SYT14: variants seen among roughly 807,000 people sequenced by gnomAD.
SYT14 encodes the protein synaptotagmin 14.
A neutral mutation model predicts 74.2 loss-of-function variants in SYT14; 32 were observed. The ratio of observed to expected loss-of-function variants is 0.43; its 90% CI spans 0.33 to 0.58. The LOEUF (loss-of-function observed/expected upper bound fraction) is 0.58, where lower values mean the gene tolerates loss of function less well. Ranked by LOEUF, SYT14 falls within the 20% of genes least tolerant of loss-of-function variation. The probability of loss-of-function intolerance (pLI) is 0.05; values close to 1 mark genes in which losing one functional copy is unlikely to be tolerated. For synonymous variants in SYT14, 298 were observed against 337.7 expected (o/e 0.88, Z 1.29); for missense variants, 791 against 981.8 (o/e 0.81, Z 2.60).
At chr1:210,054,447 C>CT (rs2081058724) in intron 5 of SYT14, among the ~76,000 whole-genome samples, 1 of 152,130 alleles carries the variant, frequency 6.6e-6, no homozygotes, top group Non-Finnish European at 1.5e-5. Context: ...CTTTTCATCA[C>CT]TAAGGATATT....
At chr1:210,010,870 T>A (rs2080074274) in intron 2 of SYT14, among the ~76,000 whole-genome samples, 1 of 152,220 alleles carries the variant, frequency 6.6e-6, no homozygotes, top group Non-Finnish European at 1.5e-5. Flanking sequence ...TATCTCTTTG[T>A]CTCAATTTAC....
At chr1:210,049,779 C>T (rs1479309600) in intron 5 of SYT14, among the ~76,000 whole-genome samples, 2 of 152,208 alleles carry the variant, frequency 1.3e-5, no homozygotes, top group African/African-American at 4.8e-5. Context: ...GTGGCTTGCA[C>T]CCTCTGAAGC....
chr1:210,043,698 TAG>T (rs2080836031), intron 5 of SYT14, among the ~76,000 whole-genome samples: 1 of 152,112 alleles, frequency 6.6e-6, no homozygotes, highest in Non-Finnish European at 1.5e-5. Flanking sequence ...AAGAGTAGGG[TAG>T]GCATAAGGAT....
chr1:209,942,060 G>A (rs1470235512), intron 1 of SYT14, among the ~76,000 whole-genome samples: 1 of 152,128 alleles, frequency 6.6e-6, no homozygotes, highest in Non-Finnish European at 1.5e-5. Context: ...CGTTTTCCAT[G>A]CACGGTTAGT....
chr1:210,065,696 G>A (rs188630561), intron 5 of SYT14, among the ~76,000 whole-genome samples: 277 of 151,748 alleles, frequency 1.8e-3, no homozygotes, highest in African/African-American at 6.2e-3. Context: ...TCAATGAAAT[G>A]TATGTAAATA....
chr1:210,095,491 C>G (rs1021910578), intron 6 of SYT14, among the ~76,000 whole-genome samples: 1 of 152,152 alleles, frequency 6.6e-6, no homozygotes, highest in Non-Finnish European at 1.5e-5. Context: ...TGGGCTCAAG[C>G]AATCTTCCTG....
chr1:210,025,990 T>C (rs1156377420), intron 5 of SYT14, among the ~76,000 whole-genome samples: 1 of 152,182 alleles, frequency 6.6e-6, no homozygotes, highest in African/African-American at 2.4e-5. Context: ...GAGCAGGTTA[T>C]ATGTTATAAA....
At chr1:210,066,074 G>A (rs992157333) in intron 5 of SYT14, among the ~76,000 whole-genome samples, 1 of 151,270 alleles carries the variant, frequency 6.6e-6, no homozygotes, top group Admixed American at 6.6e-5. Flanking sequence ...TTTTATGGCT[G>A]CATAGTATTC....
chr1:210,140,933 A>T (rs1016012221), intron 7 of SYT14, among the ~76,000 whole-genome samples: 3 of 151,798 alleles, frequency 2.0e-5, no homozygotes. Flanking sequence ...GGGAAGTGTG[A>T]GTCCTCCAAC....
chr1:209,991,832 GAA>G (rs1301656205), intron 2 of SYT14, among the ~76,000 whole-genome samples: 3 of 124,700 alleles, frequency 2.4e-5, no homozygotes, highest in Admixed American at 8.3e-5. Flanking sequence ...TCCGTCTCGA[GAA>G]AAAAAAAAAA....
At chr1:209,959,530 AC>A (rs2079047027) in intron 2 of SYT14, among the ~76,000 whole-genome samples, 1 of 152,238 alleles carries the variant, frequency 6.6e-6, no homozygotes, top group African/African-American at 2.4e-5. Context: ...TGGCATATTG[AC>A]ACAGTGGAAT....
intron 2 of SYT14, among the ~76,000 whole-genome samples, chr1:209,994,223 G>T (rs1402808079): frequency 6.6e-6 from 1 of 152,212 alleles, no homozygotes. Flanking sequence ...TCAGGAGATA[G>T]TTGAAACACA....
intron 1 of SYT14, among the ~76,000 whole-genome samples, chr1:209,944,722 GA>G (rs1328756707): frequency 2.6e-5 from 4 of 151,606 alleles, no homozygotes; most frequent in Non-Finnish European, 5.9e-5. Context: ...ATAACTCCCA[GA>G]GGGTTGGAGG....
intron 2 of SYT14, among the ~76,000 whole-genome samples, chr1:209,995,355 CAT>C (rs2079769833): frequency 6.6e-6 from 1 of 152,076 alleles, no homozygotes; most frequent in Non-Finnish European, 1.5e-5. Flanking sequence ...TCAGATAAAA[CAT>C]ATGTTAAGCC....
chr1:210,046,106 C>T (rs757182200), intron 5 of SYT14, among the ~76,000 whole-genome samples: 1 of 152,264 alleles, frequency 6.6e-6, no homozygotes, highest in Admixed American at 6.5e-5. Context: ...TATGGTGGCT[C>T]ACGCCTATAA....
exon 10 of SYT14, chr1:210,169,061 C>CT (rs1393678779): frequency 6.6e-6 from 1 of 151,932 alleles, no homozygotes; most frequent in Non-Finnish European, 1.5e-5. Context: ...CTTGCACATT[C>CT]TTTTTATTTT....
chr1:210,020,162 T>C (rs565096831), intron 4 of SYT14, among the ~76,000 whole-genome samples: 1 of 152,314 alleles, frequency 6.6e-6, no homozygotes, highest in South Asian at 2.1e-4. Flanking sequence ...CCTCCTTTTT[T>C]CTCATAACAT....
intron 7 of SYT14, among the ~76,000 whole-genome samples, chr1:210,142,473 C>T (rs974492959): frequency 2.0e-5 from 3 of 152,056 alleles, no homozygotes; most frequent in African/African-American, 7.3e-5. Context: ...ACCATTCTGC[C>T]TGTAAGGGTG....
intron 2 of SYT14, among the ~76,000 whole-genome samples, chr1:210,005,657 G>A (rs908158493): frequency 1.3e-5 from 2 of 151,850 alleles, no homozygotes; most frequent in African/African-American, 4.8e-5. Flanking sequence ...GATTTGCCAG[G>A]AAAATAAGTT....
Sources: allele counts gnomAD v4.1 joint callset (sites outside exome capture counted in the v4.1 genomes callset), GRCh38; gene constraint gnomAD v4.1.1; transcripts MANE v1.5; gene names NCBI Gene and HGNC (gene_info 2026-07-23, HGNC 2026-07-21).